MT1E: variants seen among roughly 807,000 people sequenced by gnomAD.
MT1E encodes metallothionein-1E.
MT1E carries 1 observed loss-of-function variant against 2.4 expected under a neutral mutation model. The observed-to-expected ratio is 0.41, with a 90% CI of 0.15 to 1.97. MT1E has a LOEUF of 1.97. Among genes scored for constraint, MT1E ranks in the 30% most tolerant of loss-of-function variants. The pLI is 0.30. For synonymous variants in MT1E, 78 were observed against 63.0 expected (o/e 1.24, Z -1.13); for missense variants, 145 against 149.6 (o/e 0.97, Z 0.16).
intron 1 of MT1E, 56 bp downstream of exon 1, chr16:56,625,935 C>A (rs1251451263): frequency 1.9e-6 from 3 of 1,605,868 alleles, no homozygotes; most frequent in Non-Finnish European, 2.6e-6. Context: ...TACAGAGGGT[C>A]TCTGGGTTTC....
chr16:56,626,085 A>C (rs1455694690), intron 1 of MT1E, among the ~76,000 whole-genome samples: 1 of 152,108 alleles, frequency 6.6e-6, no homozygotes, highest in Non-Finnish European at 1.5e-5. Context: ...CTCAAGGCTG[A>C]ACTGCTCCAC....
At chr16:56,626,402 C>T (rs778812667) in intron 1 of MT1E, 64 bp from the exon 2 acceptor site, 116 of 1,611,572 alleles carry the variant, frequency 7.2e-5, no homozygotes, top group African/African-American at 1.7e-4. Flanking sequence ...TGGAGACTCA[C>T]TGACCCACTG....
Position 56,626,704 on chromosome 16 carries a change from T to C in MT1E, c.267T>C (p.Phe89=), listed in dbSNP as rs1289314329. ...AATTCAGATGGGGCAGGACAGCATT[T>C]TTCTCGTGGGACACAAACCCCAACT... The part of the protein sequence containing the change: ...CPKFRWGRTA[F]FSWDTNPNCT... The change falls in exon 2 of 2, where the codon TTT becomes TTC. Residue 89 remains phenylalanine, a synonymous_variant. Transcript: ENST00000330439. 13 of 1,589,912 alleles carry C rather than the reference T, an allele frequency of 8.2e-6. No individual in the cohort carries two copies. Among genetic ancestry groups the C allele is most frequent in the Non-Finnish European group, 1.1e-5 (13 of 1,168,178 alleles).
chr16:56,625,870 T>G lies in MT1E; in HGVS notation c.19T>G (p.Cys7Gly). The change falls in exon 1 of 2, where the codon TGC (cysteine) becomes GGC (glycine). Residue 7 changes from cysteine (C) to glycine (G), a missense_variant. Physicochemically the swap from Cys to Gly is radical, Grantham distance 159. Transcript: ENST00000330439. MDPNCSCATGGSCTCAG... is the reference protein window; with the variant it reads MDPNCSGATGGSCTCAG... ...GCTCGAAATGGACCCCAACTGCTCT[T>G]GCGCCACTGGTAAGGGAAGCTCTGC... 1 of 1,613,748 alleles carries G rather than the reference T, an allele frequency of 6.2e-7. No homozygotes were observed. The highest frequency in any genetic ancestry group is 1.1e-5 in the South Asian group (1 of 91,054).
chr16:56,626,382 G>A, intron 1 of MT1E, 84 bp from the exon 2 acceptor site: 1 of 1,594,698 alleles, frequency 6.3e-7, no homozygotes, highest in Non-Finnish European at 8.6e-7. Context: ...CTGCACAGAG[G>A]AGGGGGCACT....
Position 56,625,826 on chromosome 16 carries a change from G to T in MT1E, c.-26G>T. 2 of 1,612,954 alleles carry T rather than the reference G, an allele frequency of 1.2e-6. No homozygotes were observed. The highest frequency in any genetic ancestry group is 1.7e-6 in the Non-Finnish European group (2 of 1,179,942). ...GACTGCTTGTTCGTCTCACTGGTGTGAGCTCCAGCATCCCCTTTGCTCGAA... is the reference window on the plus strand; with the variant it reads ...GACTGCTTGTTCGTCTCACTGGTGTTAGCTCCAGCATCCCCTTTGCTCGAA... On this transcript the variant is annotated 5_prime_UTR_variant, in exon 1 of 2. Transcript: ENST00000330439.
rs1244206581 is a variant in MT1E at position 56,626,637 on chromosome 16, C to T, written c.200C>T (p.Pro67Leu). The T allele has an allele frequency of 6.2e-7, 1 of 1,611,012 alleles. No homozygotes were observed. The highest frequency in any genetic ancestry group is 8.5e-7 in the Non-Finnish European group (1 of 1,178,508). Residue 67 changes from proline (P) to leucine (L), a missense_variant, in exon 2 of 2, where the codon CCC (proline) becomes CTC (leucine). By Grantham distance (98) the Pro-to-Leu change is moderately conservative (BLOSUM62 -3). Coordinates refer to ENST00000330439, the MANE Select transcript of MT1E (RefSeq NM_001363555.2). ...TTCTGGGGAACTGGGCTTTCTTTGC[C>T]CTCATTGCCCGTGTCATTCCCTCTC... is the stretch of plus-strand genomic sequence containing the variant. Reference protein sequence around the residue: ...ASFWGTGLSLPSLPVSFPLQA... With the variant: ...ASFWGTGLSLLSLPVSFPLQA...
chr16:56,627,028 T>G lies in MT1E; in HGVS notation c.*207T>G, dbSNP rs944443451. 11 of 1,600,024 alleles carry G rather than the reference T, an allele frequency of 6.9e-6. No homozygotes were observed. The African/African-American group carries it at 1.5e-4, about 22-fold the overall frequency. On this transcript the variant is annotated 3_prime_UTR_variant, in exon 2 of 2. Coordinates refer to ENST00000330439, the MANE Select transcript of MT1E (RefSeq NM_001363555.2). Reference sequence around the variant, plus strand: ...AGAACAACCTGCACAACCTGGATTTTTTTAAAAATACAACACTGAGCCATT... The same window carrying G: ...AGAACAACCTGCACAACCTGGATTTGTTTAAAAATACAACACTGAGCCATT...
At chr16:56,626,297 T>C (rs1960207253) in intron 1 of MT1E, among the ~76,000 whole-genome samples, 169 bp from the exon 2 acceptor site, 1 of 152,202 alleles carries the variant, frequency 6.6e-6, no homozygotes, top group South Asian at 2.1e-4. Flanking sequence ...TCCTTGCCCT[T>C]CCCAGCGTTA....
intron 1 of MT1E, among the ~76,000 whole-genome samples, chr16:56,626,081 G>A (rs531116592): frequency 4.6e-5 from 7 of 152,268 alleles, no homozygotes; most frequent in African/African-American, 1.7e-4. Flanking sequence ...GAGGCTCAAG[G>A]CTGAACTGCT....
chr16:56,626,537 T>G lies in MT1E; in HGVS notation c.100T>G (p.Cys34Gly). 1 of 1,614,134 alleles carries G rather than the reference T, an allele frequency of 6.2e-7. No individual in the cohort carries two copies. Among genetic ancestry groups the G allele is most frequent in the Admixed American group, 1.7e-5 (1 of 60,026 alleles). ...ATGCACCTCCTGCAAGAAGAGTGAG[T>G]GCGGGGCCATCTCCAGGAATCTGGG... ...CKCTSCKKSECGAISRNLGLW... is the reference protein window; with the variant it reads ...CKCTSCKKSEGGAISRNLGLW... Residue 34 changes from cysteine to glycine, a missense_variant, in exon 2 of 2, where the codon TGC (cysteine) becomes GGC (glycine). Physicochemically the swap from Cys to Gly is radical, Grantham distance 159 (BLOSUM62 -3). Coordinates refer to ENST00000330439, the MANE Select transcript of MT1E (RefSeq NM_001363555.2).
At chr16:56,626,210 A>G (rs568319944) in intron 1 of MT1E, among the ~76,000 whole-genome samples, 79 of 152,274 alleles carry the variant, frequency 5.2e-4, no homozygotes, top group Admixed American at 6.5e-5. Context: ...TCAGGACAGA[A>G]GGTTCTGGCT....
rs374565550 is a variant in MT1E, at chr16:56,625,883, A to G, written c.28+4A>G. The G allele has an allele frequency of 3.1e-6, 5 of 1,613,680 alleles. No individual in the cohort carries two copies. In the African/African-American group the frequency reaches 6.7e-5, roughly 22 times the overall value. On this transcript the variant is annotated splice_donor_region_variant and intron_variant, in intron 1 of 1. Transcript: ENST00000330439. ...CCCAACTGCTCTTGCGCCACTGGTA[A>G]GGGAAGCTCTGCGCCCTGGAATCCC... is the stretch of plus-strand genomic sequence containing the variant.
At chr16:56,626,051 A>G (rs1354514283) in intron 1 of MT1E, among the ~76,000 whole-genome samples, 172 bp downstream of exon 1, 8 of 152,050 alleles carry the variant, frequency 5.3e-5, no homozygotes, top group East Asian at 3.9e-4. Flanking sequence ...CTGGGCCTCT[A>G]CGTCAGAGTT....
Position 56,626,626 on chromosome 16 carries a change from G to C in MT1E, c.189G>C (p.Gly63=). Residue 63 remains glycine (G), a synonymous_variant, in exon 2 of 2, where the codon GGG becomes GGC. Transcript: ENST00000330439. ...LALSASFWGT[G]LSLPSLPVSF... ...TGAGTGCATCCTTCTGGGGAACTGG[G>C]CTTTCTTTGCCCTCATTGCCCGTGT... The C allele has an allele frequency of 6.2e-7, 1 of 1,613,094 alleles. No homozygotes were observed. The highest frequency in any genetic ancestry group is 8.5e-7 in the Non-Finnish European group (1 of 1,179,536).
Position 56,626,814 on chromosome 16 carries a change from G to C in MT1E, c.377G>C (p.Cys126Ser). Residue 126 changes from cysteine to serine, a missense_variant, in exon 2 of 2, where the codon TGC (cysteine) becomes TCC (serine). Cys to Ser is a moderately radical substitution (Grantham distance 112, BLOSUM62 -1). Coordinates refer to ENST00000330439, the MANE Select transcript of MT1E (RefSeq NM_001363555.2). ...TGGGTTCTGAGCTCGAGCCAGGCTT[G>C]CTATTAGGGCAGGGAGGTGCCCGGT... ...WVWVLSSSQA[C>S]Y 1 of 1,614,138 alleles carries C rather than the reference G, an allele frequency of 6.2e-7. No homozygotes were observed. Among genetic ancestry groups the C allele is most frequent in the African/African-American group, 1.3e-5 (1 of 75,044 alleles).
At position 56,625,839 on chromosome 16, in the gene MT1E, C is replaced by G. The variant is rs1960200301; in HGVS notation, c.-13C>G. The G allele has an allele frequency of 6.2e-7, 1 of 1,613,222 alleles. No individual in the cohort carries two copies. The highest frequency in any genetic ancestry group is 1.3e-5 in the African/African-American group (1 of 74,914). On this transcript the variant is annotated 5_prime_UTR_variant, in exon 1 of 2. Transcript: ENST00000330439. The stretch of plus-strand genomic sequence containing the variant: ...TCTCACTGGTGTGAGCTCCAGCATC[C>G]CCTTTGCTCGAAATGGACCCCAACT...
rs767864710 is a variant in MT1E at position 56,626,701 on chromosome 16, A to G, written c.264A>G (p.Ala88=). Residue 88 remains alanine, a synonymous_variant, in exon 2 of 2, where the codon GCA becomes GCG. Coordinates refer to ENST00000330439, the MANE Select transcript of MT1E (RefSeq NM_001363555.2). The stretch of plus-strand genomic sequence containing the variant: ...CTAAATTCAGATGGGGCAGGACAGC[A>G]TTTTTCTCGTGGGACACAAACCCCA... ...FCPKFRWGRT[A]FFSWDTNPNC... 9.7e-5 allele frequency: 154 copies of G among 1,589,362 alleles called. No homozygotes were observed. Among genetic ancestry groups the G allele is most frequent in the Non-Finnish European group, 1.2e-4 (137 of 1,167,972 alleles).
chr16:56,626,406 C>T, intron 1 of MT1E, 60 bp from the exon 2 acceptor site: 1 of 1,613,112 alleles, frequency 6.2e-7, no homozygotes, highest in South Asian at 1.1e-5. Context: ...GACTCACTGA[C>T]CCACTGCTGT....
Sources: allele counts gnomAD v4.1 joint callset (sites outside exome capture counted in the v4.1 genomes callset), GRCh38; gene constraint gnomAD v4.1.1; transcripts MANE v1.5; gene names NCBI Gene and HGNC (gene_info 2026-07-23, HGNC 2026-07-21).